PTPRD: variants seen among roughly 807,000 people sequenced by gnomAD.
PTPRD encodes receptor-type tyrosine-protein phosphatase delta.
PTPRD carries 34 observed loss-of-function variants against 214.5 expected under a neutral mutation model. The observed-to-expected ratio is 0.16, with a 90% confidence interval of 0.12 to 0.21. The LOEUF (loss-of-function observed/expected upper bound fraction) is 0.21. PTPRD is among the 10% of genes least tolerant of loss of function. The pLI is 1.00. For missense variants in PTPRD, 2,545 were observed against 2,398.7 expected (o/e 1.06, Z -1.27); for synonymous variants, 1,128 against 845.7 (o/e 1.33, Z -5.79).
chr9:8,863,306 C>T (rs1344915552), intron 11 of PTPRD, among the ~76,000 whole-genome samples: 1 of 152,156 alleles, frequency 6.6e-6, no homozygotes, highest in East Asian at 1.9e-4. Context: ...TGGATATTCC[C>T]ATTAAATTCT....
At chr9:9,528,938 CTTTTTTT>C (rs112564567) in intron 8 of PTPRD, among the ~76,000 whole-genome samples, 14 of 136,706 alleles carry the variant, frequency 1.0e-4, no homozygotes, top group African/African-American at 3.6e-4. Flanking sequence ...TTGTTTGTTT[CTTTTTTT>C]TTTTTTTTTT....
intron 7 of PTPRD, among the ~76,000 whole-genome samples, chr9:9,576,543 G>A (rs1234428351): frequency 6.6e-6 from 1 of 152,082 alleles, no homozygotes; most frequent in African/African-American, 2.4e-5. Flanking sequence ...TGAGATGCTC[G>A]TACTTTAAAA....
intron 5 of PTPRD, among the ~76,000 whole-genome samples, chr9:9,827,242 C>T (rs968511148): frequency 6.6e-6 from 1 of 151,998 alleles, no homozygotes; most frequent in Non-Finnish European, 1.5e-5. Context: ...CATCACACTA[C>T]CTGACCTCAA....
At chr9:8,495,431 A>G (rs1432567180) in intron 26 of PTPRD, among the ~76,000 whole-genome samples, 2 of 152,208 alleles carry the variant, frequency 1.3e-5, no homozygotes, top group Non-Finnish European at 2.9e-5. Context: ...CTAAATTAGC[A>G]AAATAACTCT....
At chr9:9,242,855 C>T (rs905336314) in intron 9 of PTPRD, among the ~76,000 whole-genome samples, 1 of 152,162 alleles carries the variant, frequency 6.6e-6, no homozygotes, top group Non-Finnish European at 1.5e-5. Flanking sequence ...AAGTCATTCT[C>T]TGTCCAGCTA....
intron 11 of PTPRD, among the ~76,000 whole-genome samples, chr9:8,771,905 G>C (rs541612819): frequency 6.6e-6 from 1 of 150,982 alleles, no homozygotes; most frequent in Admixed American, 6.6e-5. Flanking sequence ...ACGCAGAAAA[G>C]CTGGGTCATA....
intron 9 of PTPRD, among the ~76,000 whole-genome samples, chr9:9,246,297 G>C (rs2099973038): frequency 6.6e-6 from 1 of 151,970 alleles, no homozygotes; most frequent in Admixed American, 6.6e-5. Flanking sequence ...CTCTTGTGTG[G>C]AATTGTTGAA....
At chr9:8,358,935 G>C (rs28585575) in intron 39 of PTPRD, among the ~76,000 whole-genome samples, 1 of 150,310 alleles carries the variant, frequency 6.7e-6, no homozygotes, top group Non-Finnish European at 1.5e-5. Context: ...GTGAAACCCC[G>C]TCTCTACTAA....
At chr9:10,091,731 G>C (rs73392162) in intron 3 of PTPRD, among the ~76,000 whole-genome samples, 2,720 of 151,244 alleles carry the variant, frequency 0.018, 83 homozygotes, top group African/African-American at 0.06. Context: ...GACTGTTACA[G>C]ATCATGATTG....
chr9:9,392,257 G>A (rs1263602085), intron 9 of PTPRD, among the ~76,000 whole-genome samples: 6 of 152,142 alleles, frequency 3.9e-5, no homozygotes, highest in Admixed American at 1.3e-4. Flanking sequence ...TGTTTGTTTT[G>A]TAGTTAAGTC....
intron 9 of PTPRD, among the ~76,000 whole-genome samples, chr9:9,393,077 C>T (rs1393203852): frequency 6.6e-6 from 1 of 152,018 alleles, no homozygotes; most frequent in Non-Finnish European, 1.5e-5. Context: ...TTCTCTTTTT[C>T]CTTTTTTACC....
At chr9:8,865,240 G>A (rs1168290939) in intron 11 of PTPRD, among the ~76,000 whole-genome samples, 3 of 152,158 alleles carry the variant, frequency 2.0e-5, no homozygotes, top group Non-Finnish European at 4.4e-5. Context: ...GCATTTGCCA[G>A]TACAACAAGA....
intron 2 of PTPRD, among the ~76,000 whole-genome samples, chr9:10,563,681 A>G (rs371474331): frequency 6.6e-6 from 1 of 151,234 alleles, no homozygotes; most frequent in African/African-American, 2.4e-5. Context: ...ATTTTTTTTT[A>G]TCTTTTAAAT....
intron 4 of PTPRD, among the ~76,000 whole-genome samples, chr9:9,960,906 A>C: frequency 6.6e-6 from 1 of 152,080 alleles, no homozygotes; most frequent in Non-Finnish European, 1.5e-5. Context: ...TTTGCAATCT[A>C]CTCATCTGAC....
intron 4 of PTPRD, among the ~76,000 whole-genome samples, chr9:9,947,365 A>ATATAT (rs2092757655): frequency 4.9e-5 from 2 of 40,736 alleles, no homozygotes; most frequent in African/African-American, 2.2e-4. Context: ...TATATATATT[A>ATATAT]TATATATATT....
At chr9:10,255,294 T>C (rs1387174670) in intron 3 of PTPRD, among the ~76,000 whole-genome samples, 1 of 152,188 alleles carries the variant, frequency 6.6e-6, no homozygotes, top group Non-Finnish European at 1.5e-5. Flanking sequence ...TACAGCCTAC[T>C]ACACACCTAG....
chr9:9,115,397 A>T (rs564533262), intron 10 of PTPRD, among the ~76,000 whole-genome samples: 1 of 152,298 alleles, frequency 6.6e-6, no homozygotes, highest in Non-Finnish European at 1.5e-5. Flanking sequence ...ATCACTAATC[A>T]TCAGGAAAAT....
chr9:10,230,840 G>A (rs1017947195), intron 3 of PTPRD, among the ~76,000 whole-genome samples: 2 of 151,916 alleles, frequency 1.3e-5, no homozygotes, highest in Non-Finnish European at 2.9e-5. Context: ...TATTTGCATC[G>A]GTTGTGGAAG....
intron 33 of PTPRD, chr9:8,454,566 T>C (rs7031287): frequency 0.39 from 635,757 of 1,610,094 alleles, 129,239 homozygotes; most frequent in African/African-American, 0.65. Flanking sequence ...AGGGGTTTGT[T>C]CTCTATTCCT....
Sources: allele counts gnomAD v4.1 joint callset (sites outside exome capture counted in the v4.1 genomes callset), GRCh38; gene constraint gnomAD v4.1.1; transcripts MANE v1.5; gene names NCBI Gene and HGNC (gene_info 2026-07-23, HGNC 2026-07-21).